The following HECW1 variants were observed in gnomAD, a reference collection of about 807,000 sequenced individuals.
HECW1 encodes the protein E3 ubiquitin-protein ligase HECW1.
A neutral mutation model predicts 182.3 loss-of-function variants in HECW1; 61 were observed. The observed-to-expected ratio is 0.33, with a 90% confidence interval of 0.27 to 0.41. The LOEUF (loss-of-function observed/expected upper bound fraction) is 0.41, where lower values mean the gene tolerates loss of function less well. Ranked by LOEUF, HECW1 falls within the 10% of genes least tolerant of loss-of-function variation. The pLI, the probability that HECW1 is intolerant of heterozygous loss-of-function variation, is 1.00. For synonymous variants in HECW1, 859 were observed against 832.6 expected (o/e 1.03, Z -0.55); for missense variants, 1,739 against 2,108.9 (o/e 0.82, Z 3.44).
At chr7:43,460,643 A>G (rs2152892268) in intron 13 of HECW1, among the ~76,000 whole-genome samples, 1 of 152,310 alleles carries the variant, frequency 6.6e-6, no homozygotes, top group South Asian at 2.1e-4. Flanking sequence ...TCTATTATAA[A>G]TATTTAACCT....
At chr7:43,224,559 G>A (rs992007811) in intron 2 of HECW1, among the ~76,000 whole-genome samples, 1 of 152,316 alleles carries the variant, frequency 6.6e-6, no homozygotes, top group Non-Finnish European at 1.5e-5. Context: ...AGTGGCTCAC[G>A]CCTGTAATCA....
intron 7 of HECW1, among the ~76,000 whole-genome samples, chr7:43,398,824 G>A (rs1167722308): frequency 6.6e-6 from 1 of 152,168 alleles, no homozygotes; most frequent in Non-Finnish European, 1.5e-5. Context: ...ATAGTTTGGT[G>A]AGTAGGGGCC....
intron 2 of HECW1, among the ~76,000 whole-genome samples, chr7:43,128,766 A>G (rs1021412031): frequency 2.0e-5 from 3 of 152,248 alleles, no homozygotes; most frequent in Non-Finnish European, 2.9e-5. Context: ...TTTAGATGCC[A>G]TTAAGAACAC....
Position 43,556,024 on chromosome 7 carries a change from C to T in HECW1, c.4709+1234C>T, listed in dbSNP as rs1371480386. On this transcript the variant is annotated intron_variant, in intron 29 of 29. Coordinates refer to ENST00000395891, the MANE Select transcript of HECW1 (RefSeq NM_015052.5). ...AGCTTGAGGAGGGGCTGAGCTACAA[C>T]CACACACCTGCCCGTGGGAACCTGC... Among the ~76,000 whole-genome samples, 4 of 152,302 alleles carry T rather than the reference C, an allele frequency of 2.6e-5. No homozygotes were observed. The East Asian group carries it at 7.7e-4, about 29-fold the overall frequency.
In HECW1 at chr7:43,352,739, G is replaced by A. The variant is rs192657964; in HGVS notation, c.461-8147G>A. Among the ~76,000 whole-genome samples the A allele has an allele frequency of 2.0e-5, 3 of 152,274 alleles. No homozygotes were observed. In the East Asian group the frequency reaches 5.8e-4, roughly 29 times the overall value. On this transcript the variant is annotated intron_variant, in intron 5 of 29. Transcript: ENST00000395891. ...TTTTTAAGAAGGCTAATAATGATTG[G>A]CTATACATCATAGGATTCTTGTGAG...
At chr7:43,360,075 C>T (rs17448421) in intron 5 of HECW1, among the ~76,000 whole-genome samples, 17,197 of 152,118 alleles carry the variant, frequency 0.11, 1,210 homozygotes, top group Middle Eastern at 0.29. Flanking sequence ...GCTTAACCAA[C>T]GTCTTATGAA....
chr7:43,529,390 C>G (rs55658625), intron 24 of HECW1, among the ~76,000 whole-genome samples: 24,265 of 152,108 alleles, frequency 0.16, 2,534 homozygotes, highest in Non-Finnish European at 0.24. Context: ...CTCACTCTTC[C>G]CCATTCCATG....
intron 5 of HECW1, among the ~76,000 whole-genome samples, chr7:43,336,266 A>G (rs1156624906): frequency 6.8e-6 from 1 of 147,114 alleles, no homozygotes; most frequent in Non-Finnish European, 1.5e-5. Flanking sequence ...CAAGGGCTCA[A>G]GTGATCCTCC....
chr7:43,550,520 C>G lies in HECW1; in HGVS notation c.4324C>G (p.Arg1442Gly), dbSNP rs1430953686. ...GAAAAACAAGAAGGAGTACATCGAG[C>G]GCATGGTGAAGTGGCGGGTGGAGCG... Reference protein sequence around the residue: ...TEKNKKEYIERMVKWRVERGV... With the variant: ...TEKNKKEYIEGMVKWRVERGV... Residue 1442 changes from arginine to glycine, a missense_variant, in exon 27 of 30, where the codon CGC becomes GGC. Arg to Gly is a moderately radical substitution (Grantham distance 125). Around this residue, in one of 5 missense-constraint regions of HECW1, gnomAD observed 420 missense variants for 595.7 expected, o/e 0.71. Coordinates refer to ENST00000395891, the MANE Select transcript of HECW1 (RefSeq NM_015052.5). 3 of 1,613,862 alleles carry G rather than the reference C, an allele frequency of 1.9e-6. No individual in the cohort carries two copies. Among genetic ancestry groups the G allele is most frequent in the Non-Finnish European group, 1.7e-6 (2 of 1,179,950 alleles).
chr7:43,343,480 T>C (rs1813288735), intron 5 of HECW1, among the ~76,000 whole-genome samples: 1 of 151,726 alleles, frequency 6.6e-6, no homozygotes, highest in South Asian at 2.1e-4. Flanking sequence ...AGTGTTCTCA[T>C]TGTTCAATTC....
chr7:43,503,099 T>C (rs1220085950), intron 21 of HECW1, among the ~76,000 whole-genome samples: 1 of 152,220 alleles, frequency 6.6e-6, no homozygotes, highest in Non-Finnish European at 1.5e-5. Context: ...GTTTTCAAGA[T>C]AGTATCTCCC....
chr7:43,145,768 A>G (rs1037367666), intron 2 of HECW1, among the ~76,000 whole-genome samples: 1 of 152,124 alleles, frequency 6.6e-6, no homozygotes, highest in African/African-American at 2.4e-5. Flanking sequence ...CAGAGCACTA[A>G]ATCATTTTAT....
intron 5 of HECW1, among the ~76,000 whole-genome samples, chr7:43,357,812 T>A (rs1815358431): frequency 6.6e-6 from 1 of 152,186 alleles, no homozygotes; most frequent in Non-Finnish European, 1.5e-5. Flanking sequence ...TATATCCCAA[T>A]TACATTCATT....
At chr7:43,184,256 G>A (rs1014541491) in intron 2 of HECW1, among the ~76,000 whole-genome samples, 6 of 152,028 alleles carry the variant, frequency 3.9e-5, no homozygotes, top group Admixed American at 1.3e-4. Flanking sequence ...CTCGTGATCC[G>A]CCCGCCTCGG....
intron 3 of HECW1, among the ~76,000 whole-genome samples, chr7:43,302,503 C>T (rs1859403): frequency 0.23 from 35,057 of 152,120 alleles, 4,830 homozygotes; most frequent in East Asian, 0.46. Context: ...GCCCTGGTTA[C>T]GGGAAGAGGC....
chr7:43,124,602 CA>C (rs1786008916), intron 2 of HECW1, among the ~76,000 whole-genome samples: 1 of 152,170 alleles, frequency 6.6e-6, no homozygotes, highest in Non-Finnish European at 1.5e-5. Context: ...TCATGCTCTG[CA>C]GCACTTTTTG....
chr7:43,442,347 C>A (rs1374256038), intron 9 of HECW1, among the ~76,000 whole-genome samples, 182 bp from the exon 10 acceptor site: 1 of 152,132 alleles, frequency 6.6e-6, no homozygotes, highest in South Asian at 2.1e-4. Flanking sequence ...GGGTCATAAT[C>A]CATGGTAGTT....
At chr7:43,459,641 G>A (rs2077515480) in intron 13 of HECW1, among the ~76,000 whole-genome samples, 1 of 151,876 alleles carries the variant, frequency 6.6e-6, no homozygotes, top group Non-Finnish European at 1.5e-5. Flanking sequence ...GGGTTCAAGC[G>A]ATTCTCCTAC....
chr7:43,500,081 C>A (rs1037941217), intron 19 of HECW1, among the ~76,000 whole-genome samples: 1 of 151,906 alleles, frequency 6.6e-6, no homozygotes, highest in African/African-American at 2.4e-5. Flanking sequence ...TGGCTTCCAA[C>A]ACGACATGAG....
Sources: allele counts gnomAD v4.1 joint callset (sites outside exome capture counted in the v4.1 genomes callset), GRCh38; gene constraint gnomAD v4.1.1; regional missense constraint gnomAD v4.1.1; transcripts MANE v1.5; gene names NCBI Gene and HGNC (gene_info 2026-07-23, HGNC 2026-07-21).